The following SCHIP1 variants were observed in gnomAD, a reference collection of about 807,000 sequenced individuals.
SCHIP1 encodes the protein schwannomin-interacting protein 1.
A neutral mutation model predicts 29.7 loss-of-function variants in SCHIP1; 8 were observed. The observed-to-expected ratio is 0.27, with a 90% CI of 0.16 to 0.49. The LOEUF is 0.49. Ranked by LOEUF, SCHIP1 falls within the 20% of genes least tolerant of loss-of-function variation. SCHIP1 has a pLI of 0.99. For missense variants in SCHIP1, 193 were observed against 294.6 expected, an observed-to-expected ratio of 0.66 and a Z score of 2.52; for synonymous variants, 76 against 94.9, an observed-to-expected ratio of 0.80 and a Z score of 1.16.
At chr3:159,815,987 C>T in the SCHIP1 span, among the ~76,000 whole-genome samples, 3 of 129,268 alleles carry the variant, frequency 2.3e-5, no homozygotes, top group East Asian at 2.6e-4. Context: ...CTCTCTCTGT[C>T]GCCCAGGCAG....
At chr3:159,462,924 G>A in the SCHIP1 span, among the ~76,000 whole-genome samples, 1 of 152,174 alleles carries the variant, frequency 6.6e-6, no homozygotes, top group African/African-American at 2.4e-5. Context: ...TTACCAGAAA[G>A]CAACTAATTA....
At chr3:159,543,104 T>A in the SCHIP1 span, among the ~76,000 whole-genome samples, 1 of 104,586 alleles carries the variant, frequency 9.6e-6, no homozygotes, top group African/African-American at 4.2e-5. Context: ...AATACAGACA[T>A]ATATACATGT....
the SCHIP1 span, among the ~76,000 whole-genome samples, chr3:159,431,157 C>A: frequency 6.6e-6 from 1 of 152,012 alleles, no homozygotes; most frequent in South Asian, 2.1e-4. Flanking sequence ...CAAAACAACA[C>A]AAAGAGGTGG....
chr3:159,407,267 A>G, the SCHIP1 span, among the ~76,000 whole-genome samples: 1 of 152,218 alleles, frequency 6.6e-6, no homozygotes, highest in African/African-American at 2.4e-5. Context: ...GGATTTTGAG[A>G]CAAAGCCTAT....
At chr3:159,819,315 C>G in the SCHIP1 span, among the ~76,000 whole-genome samples, 1 of 152,146 alleles carries the variant, frequency 6.6e-6, no homozygotes, top group African/African-American at 2.4e-5. Flanking sequence ...TCTGTGGTAG[C>G]AGGTATGTCA....
At chr3:159,656,626 C>A in the SCHIP1 span, among the ~76,000 whole-genome samples, 3 of 152,168 alleles carry the variant, frequency 2.0e-5, no homozygotes, top group Non-Finnish European at 4.4e-5. Context: ...GTTTTCTCAT[C>A]TGAATTACGT....
At chr3:159,588,328 G>C in the SCHIP1 span, among the ~76,000 whole-genome samples, 1 of 151,834 alleles carries the variant, frequency 6.6e-6, no homozygotes, top group Admixed American at 6.6e-5. Flanking sequence ...TTTTTTTCTT[G>C]TAAATTTATT....
At chr3:159,703,690 T>G in the SCHIP1 span, among the ~76,000 whole-genome samples, 1 of 152,208 alleles carries the variant, frequency 6.6e-6, no homozygotes, top group Admixed American at 6.5e-5. Context: ...TGGCTTCCAC[T>G]TAGGCTGTCA....
the SCHIP1 span, among the ~76,000 whole-genome samples, chr3:159,427,535 T>G: frequency 1.3e-5 from 2 of 151,974 alleles, no homozygotes; most frequent in African/African-American, 2.4e-5. Context: ...CACTGCTCAA[T>G]GAAATTAGAG....
chr3:159,359,129 TG>T, the SCHIP1 span, among the ~76,000 whole-genome samples: 1 of 151,938 alleles, frequency 6.6e-6, no homozygotes, highest in South Asian at 2.1e-4. Flanking sequence ...GGTTTCACCA[TG>T]TTGGCCAGGA....
chr3:159,423,652 G>A, the SCHIP1 span, among the ~76,000 whole-genome samples: 1 of 140,728 alleles, frequency 7.1e-6, no homozygotes, highest in East Asian at 2.3e-4. Context: ...CAAAAAGACA[G>A]CAGTAACCTC....
At chr3:159,752,607 T>C in the SCHIP1 span, among the ~76,000 whole-genome samples, 1 of 152,076 alleles carries the variant, frequency 6.6e-6, no homozygotes, top group Non-Finnish European at 1.5e-5. Context: ...TCTCGCATGG[T>C]GGAAGCAGGA....
At chr3:159,828,462 T>TAC in the SCHIP1 span, among the ~76,000 whole-genome samples, 7 of 90,674 alleles carry the variant, frequency 7.7e-5, no homozygotes, top group East Asian at 3.3e-4. Flanking sequence ...CGTATATATA[T>TAC]GTATATATAC....
chr3:159,876,712 A>G (rs1485297387), intron 2 of SCHIP1, among the ~76,000 whole-genome samples: 3 of 152,246 alleles, frequency 2.0e-5, no homozygotes, highest in African/African-American at 4.8e-5. Flanking sequence ...TTGTTTGGAC[A>G]TACGCTTTTA....
chr3:159,635,682 A>C, the SCHIP1 span, among the ~76,000 whole-genome samples: 1 of 152,184 alleles, frequency 6.6e-6, no homozygotes, highest in Non-Finnish European at 1.5e-5. Context: ...TCTCATTTGA[A>C]AACATTTAAA....
the SCHIP1 span, among the ~76,000 whole-genome samples, chr3:159,590,874 C>T: frequency 6.6e-6 from 1 of 152,116 alleles, no homozygotes; most frequent in African/African-American, 2.4e-5. Flanking sequence ...TCTTCTGCAT[C>T]CTGGGGAAGC....
the SCHIP1 span, among the ~76,000 whole-genome samples, chr3:159,824,112 A>T: frequency 6.6e-6 from 1 of 152,200 alleles, no homozygotes; most frequent in Non-Finnish European, 1.5e-5. Context: ...TTTCAGCATG[A>T]AAAAACATCA....
the SCHIP1 span, among the ~76,000 whole-genome samples, chr3:159,617,331 C>T: frequency 6.6e-6 from 1 of 152,188 alleles, no homozygotes; most frequent in Non-Finnish European, 1.5e-5. Flanking sequence ...CTCCCTGTCT[C>T]TCCGATCCCC....
the SCHIP1 span, among the ~76,000 whole-genome samples, chr3:159,525,009 A>T: frequency 6.6e-6 from 1 of 151,200 alleles, no homozygotes; most frequent in Non-Finnish European, 1.5e-5. Context: ...AAACCTTCCC[A>T]CCTCCAGGCC....
Sources: gnomAD v4.1 joint callset for allele counts (sites outside exome capture counted in the v4.1 genomes callset) on GRCh38, gnomAD v4.1.1 for gene constraint, MANE v1.5 for transcripts, NCBI Gene and HGNC (gene_info 2026-07-23, HGNC 2026-07-21) for gene names.